The following TMLHE variants were observed in gnomAD, a reference collection of about 807,000 sequenced individuals.
TMLHE encodes trimethyllysine dioxygenase, mitochondrial.
A neutral mutation model predicts 25.7 loss-of-function variants in TMLHE; 18 were observed. The ratio of observed to expected loss-of-function variants is 0.70; its 90% confidence interval spans 0.48 to 1.04. The LOEUF is 1.04. TMLHE is among the 50% of genes least tolerant of loss of function. TMLHE has a pLI of 0.00. For synonymous variants in TMLHE, 105 were observed against 97.0 expected, an observed-to-expected ratio of 1.08 and a Z score of -0.49; for missense variants, 236 against 259.0, an observed-to-expected ratio of 0.91 and a Z score of 0.61.
intron 1 of TMLHE, among the ~76,000 whole-genome samples, chrX:155,591,188 GAAGA>G (rs1403562740): frequency 9.0e-6 from 1 of 111,354 alleles, no homozygotes; most frequent in Non-Finnish European, 1.9e-5. Context: ...GGTACATGAA[GAAGA>G]AAGAAACTGA....
chrX:155,532,623 A>G (rs1389271877), intron 2 of TMLHE, among the ~76,000 whole-genome samples: 1 of 109,423 alleles, frequency 9.1e-6, no homozygotes, highest in Admixed American at 9.8e-5. Flanking sequence ...GGTGCCCTAC[A>G]GTTGGAGTTC....
chrX:155,602,920 AAAG>A (rs1466036007), intron 1 of TMLHE, among the ~76,000 whole-genome samples: 1 of 112,657 alleles, frequency 8.9e-6, no homozygotes, highest in African/African-American at 3.2e-5. Flanking sequence ...GAGGAAAATT[AAAG>A]AAGATCTGAA....
chrX:155,595,324 G>A (rs1219997812), intron 1 of TMLHE, among the ~76,000 whole-genome samples: 1 of 112,025 alleles, frequency 8.9e-6, no homozygotes, highest in African/African-American at 3.2e-5. Flanking sequence ...ATCTCCACAA[G>A]AGCAGTTCAT....
At chrX:155,582,554 A>C (rs2124474822) in intron 1 of TMLHE, among the ~76,000 whole-genome samples, 1 of 112,640 alleles carries the variant, frequency 8.9e-6, no homozygotes, top group African/African-American at 3.2e-5. Context: ...CTATGCAGCC[A>C]ACAGACACAT....
chrX:155,516,252 G>C (rs2067155808), intron 3 of TMLHE, among the ~76,000 whole-genome samples: 1 of 24,618 alleles, frequency 4.1e-5, no homozygotes, highest in African/African-American at 1.4e-4. Context: ...CCACCTATGA[G>C]TGAGAATATG....
At chrX:155,529,477 A>G (rs1302299424) in intron 2 of TMLHE, among the ~76,000 whole-genome samples, 1 of 111,987 alleles carries the variant, frequency 8.9e-6, no homozygotes, top group Non-Finnish European at 1.9e-5. Flanking sequence ...AGTGTACAAG[A>G]GTTCCTTTTT....
intron 1 of TMLHE, among the ~76,000 whole-genome samples, chrX:155,579,953 C>CA (rs781816890): frequency 0.014 from 1,267 of 91,267 alleles, 12 homozygotes; most frequent in African/African-American, 0.037. Flanking sequence ...TCGCAAGCAA[C>CA]AAAAAAAAAA....
intron 1 of TMLHE, among the ~76,000 whole-genome samples, chrX:155,575,266 A>G (rs1341100932): frequency 1.8e-5 from 2 of 111,947 alleles, no homozygotes; most frequent in South Asian, 3.7e-4. Flanking sequence ...TTTCATTTTA[A>G]TTTGATTACC....
At chrX:155,582,212 A>C (rs781976618) in intron 1 of TMLHE, among the ~76,000 whole-genome samples, 1 of 112,428 alleles carries the variant, frequency 8.9e-6, no homozygotes, top group African/African-American at 3.2e-5. Context: ...ACCTGAAACC[A>C]CAAAAACCCT....
Position 155,550,468 on chromosome X carries a change from T to C in TMLHE, c.-1-5191A>G, listed in dbSNP as rs996660242. On this transcript the variant is annotated intron_variant, in intron 1 of 7. Coordinates refer to ENST00000334398, the MANE Select transcript of TMLHE (RefSeq NM_018196.4). ...GATTACAAAAAGATACTTGGATAAG[T>C]AGCACTGAAAGCTGTTAAAAACAGA... is the stretch of plus-strand genomic sequence containing the variant. Among the ~76,000 whole-genome samples, 54 of 111,371 alleles carry C rather than the reference T, an allele frequency of 4.8e-4. 2 individuals are homozygous for C. Among genetic ancestry groups the C allele is most frequent in the African/African-American group, 1.6e-3 (49 of 30,288 alleles).
intron 1 of TMLHE, among the ~76,000 whole-genome samples, chrX:155,588,694 T>A (rs782591532): frequency 1.6e-4 from 18 of 111,636 alleles, no homozygotes; most frequent in African/African-American, 5.8e-4. Context: ...CATTTCTTTT[T>A]AAAATACATA....
intron 1 of TMLHE, among the ~76,000 whole-genome samples, chrX:155,569,298 A>T (rs2124454864): frequency 1.7e-5 from 1 of 57,475 alleles, no homozygotes; most frequent in South Asian, 9.8e-4. Context: ...AAGAATAAAA[A>T]GAAATGAACA....
intron 1 of TMLHE, among the ~76,000 whole-genome samples, chrX:155,589,104 T>TA (rs2067680948): frequency 8.9e-6 from 1 of 111,771 alleles, no homozygotes; most frequent in African/African-American, 3.3e-5. Context: ...GAAGAATAGA[T>TA]AAAGAAAAAT....
In TMLHE at chrX:155,577,831, C is replaced by T. The variant is rs782557503; in HGVS notation, c.-1-32554G>A. 6.3e-5 allele frequency among the ~76,000 whole-genome samples: 7 copies of T among 111,446 alleles called. No individual in the cohort carries two copies. In the East Asian group the frequency reaches 1.7e-3, roughly 27 times the overall value. On this transcript the variant is annotated intron_variant, in intron 1 of 7. Transcript: ENST00000334398. ...CCAAGGAGGGAAAGAAGAGATCAGG[C>T]ACTTTCACACACTCTGAGGACGAAT...
intron 1 of TMLHE, among the ~76,000 whole-genome samples, chrX:155,578,661 T>G (rs1279949823): frequency 9.0e-6 from 1 of 111,289 alleles, no homozygotes; most frequent in Non-Finnish European, 1.9e-5. Flanking sequence ...AACCTGCCCA[T>G]AAACCCGGCC....
At chrX:155,547,254 C>T in intron 1 of TMLHE, among the ~76,000 whole-genome samples, 1 of 90,867 alleles carries the variant, frequency 1.1e-5, no homozygotes, top group Non-Finnish European at 2.3e-5. Context: ...ACGCCATTCT[C>T]CTGCCTCAGC....
At chrX:155,516,271 G>T (rs1603022492) in intron 3 of TMLHE, among the ~76,000 whole-genome samples, 1 of 16,900 alleles carries the variant, frequency 5.9e-5, no homozygotes, top group Non-Finnish European at 1.1e-4. Flanking sequence ...TGCGGTGTTT[G>T]GTTTTTTGTT....
At chrX:155,568,670 G>A (rs1557342517) in intron 1 of TMLHE, among the ~76,000 whole-genome samples, 1 of 61,507 alleles carries the variant, frequency 1.6e-5, no homozygotes, top group Admixed American at 1.9e-4. Flanking sequence ...CAGCATTCGC[G>A]GTTCATGAAA....
chrX:155,554,655 C>T (rs1294803865), intron 1 of TMLHE, among the ~76,000 whole-genome samples: 3 of 109,320 alleles, frequency 2.7e-5, no homozygotes, highest in African/African-American at 6.7e-5. Flanking sequence ...TTTGAATCCA[C>T]GAACTGATGC....
Sources: gnomAD v4.1 joint callset for allele counts (sites outside exome capture counted in the v4.1 genomes callset) on GRCh38, gnomAD v4.1.1 for gene constraint, MANE v1.5 for transcripts, NCBI Gene and HGNC (gene_info 2026-07-23, HGNC 2026-07-21) for gene names.